The following KCTD8 variants were observed in gnomAD, a reference collection of about 807,000 sequenced individuals.
The protein encoded by KCTD8 is potassium channel tetramerization domain containing 8.
KCTD8 carries 27 observed loss-of-function variants against 31.5 expected under a neutral mutation model. The ratio of observed to expected loss-of-function variants is 0.86; its 90% CI spans 0.63 to 1.18. KCTD8 has a LOEUF of 1.18. Among genes scored for constraint, KCTD8 ranks in the 50% most tolerant of loss-of-function variants. The pLI is 0.00. For missense variants in KCTD8, 658 were observed against 647.7 expected (o/e 1.02, Z -0.17); for synonymous variants, 290 against 280.0 (o/e 1.04, Z -0.36).
intron 1 of KCTD8, among the ~76,000 whole-genome samples, chr4:44,207,910 A>C (rs1256910498): frequency 6.6e-6 from 1 of 152,186 alleles, no homozygotes; most frequent in Non-Finnish European, 1.5e-5. Context: ...CTTGCTGCTG[A>C]GTTGCTAGCA....
At chr4:44,345,703 C>G (rs1290966200) in intron 1 of KCTD8, among the ~76,000 whole-genome samples, 1 of 152,116 alleles carries the variant, frequency 6.6e-6, no homozygotes, top group East Asian at 1.9e-4. Flanking sequence ...ATACTCTCCT[C>G]TAGTCAAGAG....
chr4:44,447,600 G>A lies in KCTD8; in HGVS notation c.924C>T (p.Asp308=), dbSNP rs753521049. ...TAAFVNQYRD[D]KIWSSYTEYI... ...ACTCGGTGTAGCTGCTCCAGATCTT[G>A]TCGTCGCGGTACTGGTTGACGAAGG... The change falls in exon 1 of 2, where the codon GAC becomes GAT. Residue 308 remains aspartate (D), a synonymous_variant. Transcript: ENST00000360029. 2.5e-6 allele frequency: 4 copies of A among 1,600,284 alleles called. No homozygotes were observed. The highest frequency in any genetic ancestry group is 3.4e-6 in the Non-Finnish European group (4 of 1,173,464).
chr4:44,213,564 T>C (rs1198958378), intron 1 of KCTD8, among the ~76,000 whole-genome samples: 5 of 152,214 alleles, frequency 3.3e-5, no homozygotes, highest in African/African-American at 1.2e-4. Flanking sequence ...CAATTAATCA[T>C]CTTTAATGTA....
chr4:44,267,499 G>A (rs1443995987), intron 1 of KCTD8, among the ~76,000 whole-genome samples: 2 of 151,974 alleles, frequency 1.3e-5, no homozygotes, highest in Non-Finnish European at 2.9e-5. Context: ...AAAAGCAAGA[G>A]CAAACACATT....
At chr4:44,287,310 C>T (rs1488493817) in intron 1 of KCTD8, among the ~76,000 whole-genome samples, 3 of 152,088 alleles carry the variant, frequency 2.0e-5, no homozygotes, top group Admixed American at 6.6e-5. Context: ...TATTTTCATA[C>T]ATACAATACT....
intron 1 of KCTD8, among the ~76,000 whole-genome samples, chr4:44,320,821 T>TAAAAA (rs35748647): frequency 2.2e-5 from 3 of 136,256 alleles, no homozygotes; most frequent in African/African-American, 2.7e-5. Flanking sequence ...TCCTGATTCT[T>TAAAAA]AAAAAAAAAA....
intron 1 of KCTD8, among the ~76,000 whole-genome samples, chr4:44,265,490 C>T (rs1203526954): frequency 3.9e-5 from 6 of 152,154 alleles, no homozygotes; most frequent in Non-Finnish European, 7.3e-5. Context: ...GAGCACCTCT[C>T]CTCCTCCAAA....
At chr4:44,358,761 G>T (rs754490065) in intron 1 of KCTD8, among the ~76,000 whole-genome samples, 1 of 151,984 alleles carries the variant, frequency 6.6e-6, no homozygotes, top group Non-Finnish European at 1.5e-5. Context: ...AGCAGAGACG[G>T]GGTTTCACCA....
At chr4:44,293,732 A>G in intron 1 of KCTD8, 1 of 435,402 alleles carries the variant, frequency 2.3e-6, no homozygotes, top group Non-Finnish European at 4.6e-6. Context: ...TGGCCAAAAA[A>G]TGGAAAAAGT....
At chr4:44,317,867 T>G (rs1718183162) in intron 1 of KCTD8, among the ~76,000 whole-genome samples, 1 of 152,146 alleles carries the variant, frequency 6.6e-6, no homozygotes, top group Non-Finnish European at 1.5e-5. Context: ...TACTTTCTGG[T>G]TTTAGGGAAG....
chr4:44,179,031 G>A (rs144575855), intron 1 of KCTD8, among the ~76,000 whole-genome samples: 1 of 152,078 alleles, frequency 6.6e-6, no homozygotes, highest in Non-Finnish European at 1.5e-5. Context: ...AGTGGGTGAG[G>A]ACAAAAAGAT....
At chr4:44,324,463 C>A (rs1028303251) in intron 1 of KCTD8, among the ~76,000 whole-genome samples, 2 of 152,030 alleles carry the variant, frequency 1.3e-5, no homozygotes, top group Admixed American at 1.3e-4. Context: ...TGTCTCTGAT[C>A]TGATGCATTT....
At chr4:44,447,496 G>A (rs1475474145) in intron 1 of KCTD8, 67 bp downstream of exon 1, 3 of 1,448,980 alleles carry the variant, frequency 2.1e-6, no homozygotes, top group Non-Finnish European at 2.7e-6. Context: ...CCTCCAGCGG[G>A]GCTCAAACTG....
intron 1 of KCTD8, among the ~76,000 whole-genome samples, chr4:44,389,800 T>G (rs1387036851): frequency 6.6e-6 from 1 of 151,936 alleles, no homozygotes; most frequent in African/African-American, 2.4e-5. Flanking sequence ...CAACACAGGT[T>G]TGAACTATGC....
At chr4:44,420,721 A>G (rs1401176642) in intron 1 of KCTD8, among the ~76,000 whole-genome samples, 2 of 152,170 alleles carry the variant, frequency 1.3e-5, no homozygotes, top group Non-Finnish European at 2.9e-5. Flanking sequence ...CAAAGAAAAG[A>G]TCAGAAATAT....
intron 1 of KCTD8, among the ~76,000 whole-genome samples, chr4:44,274,710 T>C (rs961611340): frequency 2.6e-5 from 4 of 151,912 alleles, no homozygotes; most frequent in Non-Finnish European, 5.9e-5. Flanking sequence ...AAGTCTAGAC[T>C]GGAAAGTATA....
chr4:44,241,296 C>T (rs183830722), intron 1 of KCTD8, among the ~76,000 whole-genome samples: 8 of 152,170 alleles, frequency 5.3e-5, no homozygotes, highest in East Asian at 3.9e-4. Context: ...AAAGAAAATT[C>T]GGTTTTTCTG....
chr4:44,331,484 A>G (rs1718589577), intron 1 of KCTD8, among the ~76,000 whole-genome samples: 1 of 151,748 alleles, frequency 6.6e-6, no homozygotes, highest in Admixed American at 6.6e-5. Context: ...ATTTGGACAG[A>G]GAAAACAGAT....
chr4:44,265,783 A>T (rs1446173664), intron 1 of KCTD8, among the ~76,000 whole-genome samples: 1 of 152,228 alleles, frequency 6.6e-6, no homozygotes, highest in Non-Finnish European at 1.5e-5. Context: ...AACTGGAAGA[A>T]AGGGTATCAG....
Sources: gnomAD v4.1 joint callset for allele counts (sites outside exome capture counted in the v4.1 genomes callset) on GRCh38, gnomAD v4.1.1 for gene constraint, MANE v1.5 for transcripts, NCBI Gene and HGNC (gene_info 2026-07-23, HGNC 2026-07-21) for gene names.